SND1: variants seen among roughly 807,000 people sequenced by gnomAD.
The protein encoded by SND1 is staphylococcal nuclease and tudor domain containing 1.
SND1 carries 38 observed loss-of-function variants against 121.7 expected under a neutral mutation model. That is an observed-to-expected ratio of 0.31 (90% CI 0.24 to 0.41). The LOEUF is 0.41. Ranked by LOEUF, SND1 falls within the 10% of genes least tolerant of loss-of-function variation. The pLI is 1.00. For synonymous variants in SND1, 401 were observed against 447.4 expected, an observed-to-expected ratio of 0.90 and a Z score of 1.31; for missense variants, 868 against 1,184.6, an observed-to-expected ratio of 0.73 and a Z score of 3.92.
At chr7:128,059,146 G>A (rs1793191152) in intron 16 of SND1, among the ~76,000 whole-genome samples, 1 of 152,154 alleles carries the variant, frequency 6.6e-6, no homozygotes, top group Non-Finnish European at 1.5e-5. Context: ...GCTGGAACAT[G>A]TCTGCCTTTC....
intron 15 of SND1, among the ~76,000 whole-genome samples, chr7:127,986,452 A>T (rs1343443467): frequency 6.6e-6 from 1 of 152,222 alleles, no homozygotes; most frequent in Non-Finnish European, 1.5e-5. Flanking sequence ...TTATAGACAG[A>T]TGAGGCCTGG....
chr7:128,003,553 T>C (rs1802887387), intron 16 of SND1, among the ~76,000 whole-genome samples: 1 of 152,206 alleles, frequency 6.6e-6, no homozygotes, highest in Non-Finnish European at 1.5e-5. Flanking sequence ...GCAGCCTGCA[T>C]GTGCCATTTC....
At chr7:127,729,439 C>CTTTTTTTTTTTTTTTTT (rs10712716) in intron 10 of SND1, among the ~76,000 whole-genome samples, 3 of 97,360 alleles carry the variant, frequency 3.1e-5, no homozygotes, top group African/African-American at 7.7e-5. Flanking sequence ...AGATAAATTA[C>CTTTTTTTTTTTTTTTTT]TTTTTTTTTT....
chr7:127,890,561 T>C (rs77600397), intron 13 of SND1, among the ~76,000 whole-genome samples: 178 of 152,244 alleles, frequency 1.2e-3, no homozygotes, highest in African/African-American at 4.2e-3. Flanking sequence ...TGTATAGTTA[T>C]ATTTTCCATG....
At chr7:127,915,152 A>C (rs1800547894) in intron 14 of SND1, among the ~76,000 whole-genome samples, 1 of 152,010 alleles carries the variant, frequency 6.6e-6, no homozygotes, top group Non-Finnish European at 1.5e-5. Context: ...TGAGTAGCTA[A>C]CTACATGTGT....
At chr7:128,039,488 A>ATT (rs910855495) in intron 16 of SND1, among the ~76,000 whole-genome samples, 30 of 148,636 alleles carry the variant, frequency 2.0e-4, no homozygotes, top group African/African-American at 6.9e-4. Flanking sequence ...TACTAGCCTG[A>ATT]TTTTTTTTTT....
intron 16 of SND1, among the ~76,000 whole-genome samples, chr7:127,993,559 G>T (rs1334022533): frequency 2.0e-5 from 3 of 152,214 alleles, no homozygotes; most frequent in African/African-American, 7.2e-5. Context: ...AACTCTCCTG[G>T]AGCTGAGCCA....
At chr7:127,674,066 C>T (rs1384585821) in intron 1 of SND1, among the ~76,000 whole-genome samples, 1 of 151,394 alleles carries the variant, frequency 6.6e-6, no homozygotes, top group Non-Finnish European at 1.5e-5. Flanking sequence ...CTCCCTGTCT[C>T]TGTCTTCCTG....
chr7:127,943,295 G>A (rs535374107), intron 15 of SND1, among the ~76,000 whole-genome samples: 1 of 152,290 alleles, frequency 6.6e-6, no homozygotes, highest in Admixed American at 6.5e-5. Flanking sequence ...AAAGTCATGT[G>A]AGGGGGTCCT....
chr7:127,726,535 T>C (rs1796586031), intron 10 of SND1, among the ~76,000 whole-genome samples: 1 of 152,130 alleles, frequency 6.6e-6, no homozygotes, highest in Non-Finnish European at 1.5e-5. Flanking sequence ...AGGCTGTGGG[T>C]TTTCTGAGCT....
chr7:127,873,295 TGACAGAGTAA>T (rs1307776300), intron 12 of SND1, among the ~76,000 whole-genome samples: 2 of 152,216 alleles, frequency 1.3e-5, no homozygotes, highest in East Asian at 3.9e-4. Context: ...AGTGGTGAGG[TGACAGAGTAA>T]GACAGAGTCC....
chr7:127,707,693 G>T, intron 9 of SND1, 46 bp downstream of exon 9: 3 of 1,487,126 alleles, frequency 2.0e-6, no homozygotes, highest in Non-Finnish European at 2.8e-6. Flanking sequence ...ACATTGCCAG[G>T]CGAGTAATAA....
At chr7:128,081,243 G>A (rs1000340025) in intron 17 of SND1, 117 bp from the exon 18 acceptor site, 193 of 1,250,658 alleles carry the variant, frequency 1.5e-4, no homozygotes, top group Middle Eastern at 2.5e-4. Context: ...TGATCCACCC[G>A]CCTCGGCCTC....
intron 16 of SND1, among the ~76,000 whole-genome samples, chr7:128,009,025 T>C (rs1347671855): frequency 6.6e-6 from 1 of 152,140 alleles, no homozygotes; most frequent in Non-Finnish European, 1.5e-5. Context: ...TAGAATTCAA[T>C]AGTAATAATA....
chr7:127,741,942 A>T (rs956674797), intron 10 of SND1, among the ~76,000 whole-genome samples: 1 of 152,132 alleles, frequency 6.6e-6, no homozygotes, highest in Non-Finnish European at 1.5e-5. Flanking sequence ...AATTGTTCTC[A>T]ACTTGAATGC....
intron 16 of SND1, among the ~76,000 whole-genome samples, chr7:128,065,918 T>C (rs746538264): frequency 6.6e-6 from 1 of 152,190 alleles, no homozygotes; most frequent in Non-Finnish European, 1.5e-5. Context: ...GGCCCCCTGA[T>C]TCTAGCCACA....
intron 10 of SND1, among the ~76,000 whole-genome samples, chr7:127,797,692 C>G (rs897192062): frequency 6.6e-6 from 1 of 152,232 alleles, no homozygotes; most frequent in African/African-American, 2.4e-5. Context: ...GGTGGCCCAA[C>G]TTCTTGTGAG....
At chr7:127,761,651 C>G (rs1164021549) in intron 10 of SND1, among the ~76,000 whole-genome samples, 3 of 152,174 alleles carry the variant, frequency 2.0e-5, no homozygotes, top group Non-Finnish European at 4.4e-5. Flanking sequence ...TCGAAGCTAG[C>G]ATTCATCTGA....
intron 10 of SND1, among the ~76,000 whole-genome samples, chr7:127,741,263 C>T (rs1238221531): frequency 6.6e-6 from 1 of 152,140 alleles, no homozygotes; most frequent in Non-Finnish European, 1.5e-5. Context: ...TCATTCCAGG[C>T]TTGATTTGCC....
Sources: gnomAD v4.1 joint callset for allele counts (sites outside exome capture counted in the v4.1 genomes callset) on GRCh38, gnomAD v4.1.1 for gene constraint, MANE v1.5 for transcripts, NCBI Gene and HGNC (gene_info 2026-07-23, HGNC 2026-07-21) for gene names.